Variants in ARSG observed in about 807,000 individuals in gnomAD.
ARSG encodes ASG.
Under a neutral mutation model 50.5 loss-of-function variants are expected in ARSG, and 37 were observed. The observed-to-expected ratio is 0.73, with a 90% CI of 0.56 to 0.96. The LOEUF is 0.96. ARSG is among the 50% of genes least tolerant of loss of function. The pLI, the probability that ARSG is intolerant of heterozygous loss-of-function variation, is 0.00. For missense variants in ARSG, 629 were observed against 675.3 expected, an observed-to-expected ratio of 0.93 and a Z score of 0.76; for synonymous variants, 225 against 254.6, an observed-to-expected ratio of 0.88 and a Z score of 1.11.
At chr17:68,393,446 T>C (rs1327669442) in intron 9 of ARSG, among the ~76,000 whole-genome samples, 1 of 152,174 alleles carries the variant, frequency 6.6e-6, no homozygotes, top group Admixed American at 6.5e-5. Flanking sequence ...GTGCTTGTGT[T>C]CCAGTCACAC....
chr17:68,440,515 A>T, the ARSG span, among the ~76,000 whole-genome samples: 1 of 152,172 alleles, frequency 6.6e-6, no homozygotes, highest in Admixed American at 6.5e-5. Flanking sequence ...AAAATCACCC[A>T]CAATTCTAAA....
chr17:68,333,505 G>A (rs1227042771), intron 2 of ARSG, among the ~76,000 whole-genome samples: 2 of 152,020 alleles, frequency 1.3e-5, no homozygotes, highest in Non-Finnish European at 2.9e-5. Context: ...GTGTACGCCT[G>A]TAATCCCAGC....
At chr17:68,354,428 GA>G (rs1379913297) in intron 5 of ARSG, among the ~76,000 whole-genome samples, 2 of 144,050 alleles carry the variant, frequency 1.4e-5, no homozygotes, top group African/African-American at 5.2e-5. Flanking sequence ...AAAAAAAAAA[GA>G]AAAAAAGAAA....
chr17:68,398,729 A>C (rs1044376243), intron 10 of ARSG, among the ~76,000 whole-genome samples: 7 of 152,258 alleles, frequency 4.6e-5, no homozygotes, highest in Admixed American at 2.0e-4. Flanking sequence ...AATGAGCTCC[A>C]GTTCCACACT....
At chr17:68,261,073 G>A (rs1473956217) in intron 1 of ARSG, among the ~76,000 whole-genome samples, 2 of 152,206 alleles carry the variant, frequency 1.3e-5, no homozygotes, top group African/African-American at 4.8e-5. Flanking sequence ...TGCTGAGCCG[G>A]TGGGTTCTCA....
At chr17:68,364,545 A>G (rs1046212781) in intron 6 of ARSG, among the ~76,000 whole-genome samples, 2 of 152,050 alleles carry the variant, frequency 1.3e-5, no homozygotes, top group African/African-American at 4.8e-5. Context: ...TTTTTAGTAG[A>G]GACAGGGTTT....
At chr17:68,446,148 T>C in the ARSG span, among the ~76,000 whole-genome samples, 1 of 152,110 alleles carries the variant, frequency 6.6e-6, no homozygotes, top group Non-Finnish European at 1.5e-5. Flanking sequence ...TCATCAGTGT[T>C]AACCAAGCAG....
At chr17:68,299,864 A>G (rs1307037058) in intron 1 of ARSG, among the ~76,000 whole-genome samples, 1 of 151,988 alleles carries the variant, frequency 6.6e-6, no homozygotes, top group African/African-American at 2.4e-5. Flanking sequence ...AATTGTAGTT[A>G]TATAGTAAGA....
chr17:68,442,070 CA>C, the ARSG span, among the ~76,000 whole-genome samples: 1 of 152,202 alleles, frequency 6.6e-6, no homozygotes, highest in East Asian at 1.9e-4. Context: ...AATAGCCCTG[CA>C]CTTTTAAACC....
chr17:68,352,088 G>GGAGAGA (rs34934330), intron 5 of ARSG, among the ~76,000 whole-genome samples: 2 of 104,072 alleles, frequency 1.9e-5, no homozygotes, highest in Non-Finnish European at 3.8e-5. Context: ...GAGAGACAGA[G>GGAGAGA]GAGAGAGAGA....
intron 11 of ARSG, among the ~76,000 whole-genome samples, chr17:68,418,246 A>ATGAC (rs1337020746): frequency 6.6e-6 from 1 of 152,180 alleles, no homozygotes; most frequent in African/African-American, 2.4e-5. Context: ...ATCAGTAGTC[A>ATGAC]GTTCCCTTGA....
chr17:68,329,883 C>T (rs1311700695), intron 2 of ARSG, among the ~76,000 whole-genome samples: 3 of 152,154 alleles, frequency 2.0e-5, no homozygotes, highest in Non-Finnish European at 4.4e-5. Context: ...TTCAAGCTAT[C>T]CTGGGCTGTA....
intron 9 of ARSG, among the ~76,000 whole-genome samples, chr17:68,385,410 T>A (rs978413637): frequency 4.0e-5 from 6 of 151,564 alleles, no homozygotes; most frequent in Non-Finnish European, 7.4e-5. Context: ...GCTTCTGTAA[T>A]CCTAGCACTT....
At position 68,352,149 on chromosome 17, in the gene ARSG, GAGAGAGAGAGAGAC is replaced by G. The variant is rs1568506947; in HGVS notation, c.566+477_566+490del. On this transcript the variant is annotated intron_variant, in intron 5 of 11. Transcript: ENST00000621439. The stretch of plus-strand genomic sequence containing the variant: ...GAGAGAGAGAGAGACAGAGGAGAGA[GAGAGAGAGAGAGAC>G]AGAGAGAGAGAGAGAGAGAGACAGA... Among the ~76,000 whole-genome samples, 332 of 113,332 alleles carry G rather than the reference GAGAGAGAGAGAGAC, an allele frequency of 2.9e-3. 2 individuals are homozygous for G. Among genetic ancestry groups the G allele is most frequent in the East Asian group, 5.3e-3 (25 of 4,684 alleles). 74.4% of individuals were successfully genotyped at this position (113,332 alleles called of 152,430 possible). A position where few individuals can be genotyped will look rare whatever the true frequency, so the allele number is the denominator to read the frequency against.
chr17:68,377,270 C>T (rs2080197404), intron 8 of ARSG, among the ~76,000 whole-genome samples: 1 of 152,246 alleles, frequency 6.6e-6, no homozygotes, highest in African/African-American at 2.4e-5. Flanking sequence ...GGGTCCACAT[C>T]CTCTGACCAT....
chr17:68,365,994 G>A (rs888945884), intron 6 of ARSG, among the ~76,000 whole-genome samples: 1 of 152,030 alleles, frequency 6.6e-6, no homozygotes, highest in East Asian at 1.9e-4. Flanking sequence ...CTGGAGTGCA[G>A]TGCACAATCT....
intron 11 of ARSG, among the ~76,000 whole-genome samples, chr17:68,410,709 T>G (rs989018857): frequency 1.2e-4 from 18 of 152,232 alleles, no homozygotes; most frequent in Admixed American, 1.1e-3. Context: ...TACCAGTTCC[T>G]CCTTCTACCT....
Position 68,271,405 on chromosome 17 carries a change from G to C in ARSG, c.-552+11979G>C. 6.2e-7 allele frequency: 1 copy of C among 1,614,258 alleles called. No homozygotes were observed. Among genetic ancestry groups the C allele is most frequent in the East Asian group, 2.2e-5 (1 of 44,884 alleles). On this transcript the variant is annotated intron_variant, in intron 1 of 11. Transcript: ENST00000448504. This position sits in a 1 kb window ranked among gnomAD's most constrained non-coding sequence, Gnocchi z 5.3. Reference sequence around the variant, plus strand: ...CTCCAGTTCCAGGTTAGTGTGAGTAGGCACATTTTTAGGTGAGGTAGTTAG... The same window carrying C: ...CTCCAGTTCCAGGTTAGTGTGAGTACGCACATTTTTAGGTGAGGTAGTTAG...
chr17:68,292,869 C>A (rs1467898571), intron 1 of ARSG, among the ~76,000 whole-genome samples: 4 of 152,182 alleles, frequency 2.6e-5, no homozygotes, highest in Non-Finnish European at 5.9e-5. Flanking sequence ...GCTTTGCAAC[C>A]TTGTAGGCGT....
Sources: allele counts gnomAD v4.1 joint callset (sites outside exome capture counted in the v4.1 genomes callset), GRCh38; gene constraint gnomAD v4.1.1; non-coding constraint Gnocchi (gnomAD v3.1); transcripts MANE v1.5; gene names NCBI Gene and HGNC (gene_info 2026-07-23, HGNC 2026-07-21).